The following CYTH1 variants were observed in gnomAD, a reference collection of about 807,000 sequenced individuals.
The protein encoded by CYTH1 is cytohesin 1, also known as cytohesin-1.
Under a neutral mutation model 61.8 loss-of-function variants are expected in CYTH1, and 18 were observed. The observed-to-expected ratio is 0.29, with a 90% CI of 0.20 to 0.43. The LOEUF (loss-of-function observed/expected upper bound fraction) is 0.43. Among genes scored for constraint, CYTH1 ranks in the 20% least tolerant of loss-of-function variants. The pLI is 1.00. For missense variants in CYTH1, 336 were observed against 510.5 expected, an observed-to-expected ratio of 0.66 and a Z score of 3.29; for synonymous variants, 174 against 184.3, an observed-to-expected ratio of 0.94 and a Z score of 0.45.
chr17:78,685,172 C>G, intron 11 of CYTH1, among the ~76,000 whole-genome samples: 1 of 146,250 alleles, frequency 6.8e-6, no homozygotes. Context: ...CCACTGGACT[C>G]CAGCCTGGGT....
chr17:78,685,308 C>T (rs1002967416), intron 11 of CYTH1, among the ~76,000 whole-genome samples: 2 of 150,550 alleles, frequency 1.3e-5, no homozygotes, highest in Non-Finnish European at 3.0e-5. Flanking sequence ...AGTACAAAAT[C>T]TTCTAATTCT....
intron 1 of CYTH1, among the ~76,000 whole-genome samples, chr17:78,773,669 A>T (rs570474404): frequency 6.6e-6 from 1 of 152,170 alleles, no homozygotes; most frequent in Non-Finnish European, 1.5e-5. Flanking sequence ...ATTTTCTAAA[A>T]ATCTATTTAA....
intron 1 of CYTH1, among the ~76,000 whole-genome samples, chr17:78,745,606 T>C (rs192153658): frequency 6.6e-6 from 1 of 152,276 alleles, no homozygotes; most frequent in Non-Finnish European, 1.5e-5. Flanking sequence ...AAAAATTCCA[T>C]TACCTGGCTG....
chr17:78,677,187 C>T (rs1287018986), intron 13 of CYTH1: 3 of 408,160 alleles, frequency 7.4e-6, no homozygotes, highest in South Asian at 3.5e-5. Flanking sequence ...AGTGCTTTCA[C>T]GAGGGAATCT....
chr17:78,782,084 G>C, intron 1 of CYTH1, 118 bp downstream of exon 1: 1 of 933,598 alleles, frequency 1.1e-6, no homozygotes, highest in South Asian at 4.8e-5. Flanking sequence ...CCCGGGCTCC[G>C]CGTCCCGCAC....
rs2092997408 is a variant in CYTH1, at chr17:78,700,524, T to C, written c.438-81A>G. On this transcript the variant is annotated intron_variant, in intron 6 of 13. Coordinates refer to ENST00000446868, the MANE Select transcript of CYTH1 (RefSeq NM_004762.6). The surrounding 1 kb of genome is among the most constrained non-coding windows in gnomAD (Gnocchi z 5.1). ...TGAATTGTTAAACTGCCAATGATTT[T>C]TTTTTTCTTTTTTTTTTTGAGATGG... 8.7e-6 allele frequency: 10 copies of C among 1,142,876 alleles called. No homozygotes were observed. Among genetic ancestry groups the C allele is most frequent in the Non-Finnish European group, 1.1e-5 (9 of 813,790 alleles). The allele number at this position is 1,142,876 out of a possible 1,614,324, so 70.8% of individuals were successfully genotyped here.
chr17:78,693,638 A>G (rs2144194926), intron 10 of CYTH1, among the ~76,000 whole-genome samples: 1 of 151,444 alleles, frequency 6.6e-6, no homozygotes, highest in African/African-American at 2.4e-5. Flanking sequence ...AAGAAAAAAA[A>G]AAGAAAAAAA....
intron 1 of CYTH1, among the ~76,000 whole-genome samples, chr17:78,715,308 A>G (rs560434215): frequency 6.6e-6 from 1 of 152,300 alleles, no homozygotes; most frequent in South Asian, 2.1e-4. Context: ...CCAAATTCTC[A>G]GTCAAGTAGG....
chr17:78,696,576 T>C (rs910140397), intron 9 of CYTH1: 1 of 152,732 alleles, frequency 6.5e-6, no homozygotes, highest in African/African-American at 2.4e-5. Flanking sequence ...AGAGTGATAC[T>C]AAGTGTGCTA....
intron 1 of CYTH1, among the ~76,000 whole-genome samples, chr17:78,762,362 CG>C (rs2093432415): frequency 6.6e-6 from 1 of 152,144 alleles, no homozygotes; most frequent in South Asian, 2.1e-4. Flanking sequence ...AAATGCTTCA[CG>C]AAGTCAGACA....
intron 11 of CYTH1, among the ~76,000 whole-genome samples, chr17:78,688,115 A>T (rs1343174216): frequency 6.6e-6 from 1 of 152,230 alleles, no homozygotes. Context: ...TCTATGGATG[A>T]CATACTGCAT....
At chr17:78,770,690 G>A (rs1237556843) in intron 1 of CYTH1, among the ~76,000 whole-genome samples, 1 of 152,162 alleles carries the variant, frequency 6.6e-6, no homozygotes, top group Non-Finnish European at 1.5e-5. Flanking sequence ...ACAGGTGTGA[G>A]CCACAGAGCC....
chr17:78,720,985 C>T (rs1012118714), intron 1 of CYTH1, among the ~76,000 whole-genome samples: 1 of 152,222 alleles, frequency 6.6e-6, no homozygotes, highest in African/African-American at 2.4e-5. Context: ...TTGCGTAGTG[C>T]ATTTTAAAAT....
intron 1 of CYTH1, among the ~76,000 whole-genome samples, chr17:78,731,645 C>T (rs1290687359): frequency 6.6e-6 from 1 of 150,700 alleles, no homozygotes; most frequent in Non-Finnish European, 1.5e-5. Context: ...GTAGTCCCAG[C>T]TACTTGGGAG....
At chr17:78,734,540 A>G (rs1288279329) in intron 1 of CYTH1, among the ~76,000 whole-genome samples, 1 of 144,842 alleles carries the variant, frequency 6.9e-6, no homozygotes, top group African/African-American at 2.6e-5. Flanking sequence ...TCCTGGGTTC[A>G]AGCTATTCTC....
At chr17:78,701,826 T>C (rs894936800) in intron 5 of CYTH1, 75 bp from the exon 6 acceptor site, 5 of 1,452,476 alleles carry the variant, frequency 3.4e-6, no homozygotes, top group East Asian at 2.3e-5. Context: ...AGCCAGGCCA[T>C]GTCTCCTACA....
At chr17:78,721,629 G>A (rs926440248) in intron 1 of CYTH1, among the ~76,000 whole-genome samples, 4 of 152,176 alleles carry the variant, frequency 2.6e-5, no homozygotes, top group Admixed American at 1.3e-4. Context: ...GTTCACAGGC[G>A]ATGCTGCCTG....
intron 1 of CYTH1, among the ~76,000 whole-genome samples, chr17:78,764,575 C>T (rs1425996888): frequency 6.6e-6 from 1 of 152,130 alleles, no homozygotes; most frequent in Non-Finnish European, 1.5e-5. Context: ...TCAACATAAG[C>T]AGTTTCAGCA....
chr17:78,753,948 T>C (rs959340113), intron 1 of CYTH1, among the ~76,000 whole-genome samples: 1 of 152,156 alleles, frequency 6.6e-6, no homozygotes, highest in Non-Finnish European at 1.5e-5. Flanking sequence ...ACCCCTTTTT[T>C]AAAATGATTC....
Sources: gnomAD v4.1 joint callset for allele counts (sites outside exome capture counted in the v4.1 genomes callset) on GRCh38, gnomAD v4.1.1 for gene constraint, Gnocchi (gnomAD v3.1) non-coding constraint, MANE v1.5 for transcripts, NCBI Gene and HGNC (gene_info 2026-07-23, HGNC 2026-07-21) for gene names.